Variants in ZFP36L1 observed in about 807,000 individuals in gnomAD.
ZFP36L1 encodes ZFP36 like 1 zinc finger CCCH-type.
In ZFP36L1, 4 loss-of-function variants were observed where a neutral mutation model predicts 16.7. The observed-to-expected ratio is 0.24, with a 90% CI of 0.12 to 0.55. The LOEUF (loss-of-function observed/expected upper bound fraction) is 0.55. ZFP36L1 is among the 20% of genes least tolerant of loss of function. ZFP36L1 has a pLI of 0.94. For synonymous variants in ZFP36L1, 220 were observed against 190.8 expected, an observed-to-expected ratio of 1.15 and a Z score of -1.26; for missense variants, 311 against 449.2, an observed-to-expected ratio of 0.69 and a Z score of 2.78.
chr14:68,792,493 C>T (rs1895113727), intron 1 of ZFP36L1, among the ~76,000 whole-genome samples: 1 of 152,308 alleles, frequency 6.6e-6, no homozygotes, highest in East Asian at 1.9e-4. Context: ...GGTAATGCCG[C>T]TGGACAGACC....
intron 1 of ZFP36L1, among the ~76,000 whole-genome samples, chr14:68,792,184 T>TCCCCCCCCCC (rs374976069): frequency 6.9e-6 from 1 of 145,940 alleles, no homozygotes; most frequent in African/African-American, 2.6e-5. Flanking sequence ...TGTCGCCACC[T>TCCCCCCCCCC]CCCCCCCCAA....
rs1302832322 is a variant in ZFP36L1 at position 68,792,933 on chromosome 14, G to T, written c.6C>A (p.Thr2=). The change falls in exon 1 of 2, where the codon ACC becomes ACA. Residue 2 remains threonine (T), a synonymous_variant. Transcript: ENST00000439696. ...AGATGGTGGCAGACACGAGGGTGGT[G>T]GTCATCCTGTGCGTTCGCGCGAGCC... M[T]TTLVSATIFD... is the part of the protein sequence containing the mutation. 1 of 1,613,934 alleles carries T rather than the reference G, an allele frequency of 6.2e-7. No individual in the cohort carries two copies. Among genetic ancestry groups the T allele is most frequent in the East Asian group, 2.2e-5 (1 of 44,846 alleles).
At chr14:68,795,318 A>AC (rs1031840970), upstream of ZFP36L1, among the ~76,000 whole-genome samples, 429 of 47,760 alleles carry the variant, frequency 9.0e-3, 2 homozygotes, top group South Asian at 0.081. Context: ...CCCACCCCCC[A>AC]CCCCCCCCAA....
chr14:68,792,029 C>T lies in ZFP36L1; in HGVS notation c.57+853G>A, dbSNP rs1430619149. On this transcript the variant is annotated intron_variant, in intron 1 of 1. Transcript: ENST00000439696. Reference sequence around the variant, plus strand: ...AAAGAAATTTAACAACATCCATAGACTTTTGCTATGTACATTTAAACCGCA... The same window carrying T: ...AAAGAAATTTAACAACATCCATAGATTTTTGCTATGTACATTTAAACCGCA... Among the ~76,000 whole-genome samples, 4 of 152,184 alleles carry T rather than the reference C, an allele frequency of 2.6e-5. No individual in the cohort carries two copies. In the East Asian group the frequency reaches 7.7e-4, roughly 29 times the overall value.
upstream of ZFP36L1, chr14:68,795,892 G>A (rs768672446): frequency 2.6e-4 from 202 of 781,024 alleles, no homozygotes; most frequent in Non-Finnish European, 3.5e-4. Context: ...GAGGGCCCGA[G>A]GGCGGGAGCC....
At position 68,789,437 on chromosome 14, in the gene ZFP36L1, G is replaced by A; in HGVS notation, c.*96C>T. On this transcript the variant is annotated 3_prime_UTR_variant, in exon 2 of 2. Transcript: ENST00000439696. This position sits in a 1 kb window ranked among gnomAD's most constrained non-coding sequence, Gnocchi z 4.5. ...GTTGAGCTTAACCTTGTTAATGTAG[G>A]GCCTGTGGGGAATGGGATGGGTAGG... 1 of 1,563,882 alleles carries A rather than the reference G, an allele frequency of 6.4e-7. No homozygotes were observed. The highest frequency in any genetic ancestry group is 8.7e-7 in the Non-Finnish European group (1 of 1,148,278).
intron 1 of ZFP36L1, among the ~76,000 whole-genome samples, chr14:68,791,505 G>A: frequency 6.6e-6 from 1 of 152,152 alleles, no homozygotes; most frequent in Non-Finnish European, 1.5e-5. Flanking sequence ...CCCAGCCCAT[G>A]TGGGTGTCAT....
chr14:68,792,828 C>G (rs2140212761), intron 1 of ZFP36L1, 54 bp downstream of exon 1: 2 of 1,612,038 alleles, frequency 1.2e-6, no homozygotes, highest in African/African-American at 1.3e-5. Context: ...GGGGTTCTTT[C>G]TTAAGGCAAA....
intron 1 of ZFP36L1, among the ~76,000 whole-genome samples, chr14:68,792,534 AGCAAACCTGG>A: frequency 6.6e-6 from 1 of 152,278 alleles, no homozygotes; most frequent in Middle Eastern, 3.4e-3. Context: ...CGATCAGACC[AGCAAACCTGG>A]GATCCAGCAG....
chr14:68,795,733 T>C (rs1895234513), upstream of ZFP36L1: 1 of 524,166 alleles, frequency 1.9e-6, no homozygotes, highest in Non-Finnish European at 3.9e-6. Context: ...CAAGGGTTTG[T>C]TCCAGCTCCC....
intron 1 of ZFP36L1, among the ~76,000 whole-genome samples, chr14:68,792,594 T>C (rs1895121472): frequency 2.0e-5 from 3 of 151,996 alleles, no homozygotes; most frequent in Admixed American, 6.6e-5. Context: ...CTTGTCCCAA[T>C]CCCAGCCCTC....
At chr14:68,790,989 TA>T (rs766185166) in intron 1 of ZFP36L1, 1 of 699,046 alleles carries the variant, frequency 1.4e-6, no homozygotes, top group South Asian at 1.5e-5. Context: ...AGACCTGGCC[TA>T]AGACTCTCAA....
upstream of ZFP36L1, chr14:68,795,889 C>G (rs757588634): frequency 2.6e-6 from 2 of 758,306 alleles, no homozygotes; most frequent in Admixed American, 3.9e-5. Flanking sequence ...GGTGAGGGCC[C>G]GAGGGCGGGA....
At chr14:68,790,966 AC>A (rs1895052286) in intron 1 of ZFP36L1, 7 of 679,332 alleles carry the variant, frequency 1.0e-5, no homozygotes, top group Non-Finnish European at 1.9e-5. Flanking sequence ...CTTAATTGAT[AC>A]CCCCTCCTTC....
rs1594715868 is a variant in ZFP36L1, at chr14:68,789,205, A to C, written c.*328T>G. On this transcript the variant is annotated 3_prime_UTR_variant, in exon 2 of 2. Coordinates refer to ENST00000439696, the MANE Select transcript of ZFP36L1 (RefSeq NM_004926.4). The surrounding 1 kb of genome is among the most constrained non-coding windows in gnomAD (Gnocchi z 4.5). ...AACTGTTACTGCTTTTTCTCTTGTG[A>C]TTTGGCACTTAAGGCTTAAGCCGGA... 1.0e-5 allele frequency: 3 copies of C among 297,310 alleles called. No individual in the cohort carries two copies. In the East Asian group the frequency reaches 1.8e-4, roughly 18 times the overall value. The allele number at this position is 297,310 out of a possible 1,614,324, so 18.4% of individuals were successfully genotyped here.
chr14:68,791,160 T>G (rs45539831), intron 1 of ZFP36L1: 266 of 677,960 alleles, frequency 3.9e-4, no homozygotes, highest in Non-Finnish European at 5.8e-4. Flanking sequence ...CCGGAAGAGA[T>G]ATTTTCTACA....
chr14:68,790,605 C>T (rs1895044019), intron 1 of ZFP36L1, 113 bp from the exon 2 acceptor site: 1 of 1,430,760 alleles, frequency 7.0e-7, no homozygotes, highest in Admixed American at 2.0e-5. Context: ...GAACTCATCT[C>T]TACCTCGGCT....
chr14:68,792,473 C>A (rs572490265), intron 1 of ZFP36L1, among the ~76,000 whole-genome samples: 1 of 152,294 alleles, frequency 6.6e-6, no homozygotes, highest in East Asian at 1.9e-4. Context: ...CACTCCCAAC[C>A]CCACGGGTGG....
chr14:68,792,388 C>T (rs554486086), intron 1 of ZFP36L1, among the ~76,000 whole-genome samples: 3 of 152,264 alleles, frequency 2.0e-5, no homozygotes, highest in South Asian at 2.1e-4. Context: ...GGCCTTTCTT[C>T]CTCGCATATC....
Sources: allele counts gnomAD v4.1 joint callset (sites outside exome capture counted in the v4.1 genomes callset), GRCh38; gene constraint gnomAD v4.1.1; non-coding constraint Gnocchi (gnomAD v3.1); transcripts MANE v1.5; gene names NCBI Gene and HGNC (gene_info 2026-07-23, HGNC 2026-07-21).